Variants in POLN observed in about 807,000 individuals in gnomAD.
The protein encoded by POLN is DNA polymerase nu.
In POLN, 108 loss-of-function variants were observed where a neutral mutation model predicts 113.5. The ratio of observed to expected loss-of-function variants is 0.95; its 90% CI spans 0.81 to 1.12. POLN has a LOEUF of 1.12. POLN is among the 50% of genes most tolerant of loss of function. The pLI is 0.00. For missense variants in POLN, 1,097 were observed against 1,077.1 expected (o/e 1.02, Z -0.26); for synonymous variants, 386 against 391.5 (o/e 0.99, Z 0.17).
intron 18 of POLN, 45 bp from the exon 19 acceptor site, chr4:2,128,272 T>C (rs758566046): frequency 3.1e-6 from 4 of 1,309,412 alleles, no homozygotes; most frequent in Admixed American, 1.8e-5. Flanking sequence ...GCCAGCAATG[T>C]TCCTCGTGTT....
chr4:2,212,692 G>A (rs977132370), intron 4 of POLN, among the ~76,000 whole-genome samples: 2 of 151,944 alleles, frequency 1.3e-5, no homozygotes, highest in Non-Finnish European at 2.9e-5. Flanking sequence ...AGCCTAGGTC[G>A]ATCACCTCCT....
chr4:2,188,417 A>G (rs943194226), intron 7 of POLN, among the ~76,000 whole-genome samples: 6 of 151,996 alleles, frequency 3.9e-5, no homozygotes, highest in South Asian at 4.1e-4. Context: ...TGGCTAACAC[A>G]GTGAAACCCC....
intron 13 of POLN, among the ~76,000 whole-genome samples, chr4:2,161,851 C>T (rs1732601309): frequency 6.6e-6 from 1 of 152,182 alleles, no homozygotes; most frequent in Admixed American, 6.5e-5. Context: ...CTGTGTCTAG[C>T]TCAGGGTTTG....
rs796378551 is a variant in POLN at position 2,093,433 on chromosome 4, A to AT, written c.2065+2417dup. The stretch of plus-strand genomic sequence containing the variant: ...TGCCAGGTATGGCCCCATGCACCCT[A>AT]TGAGAGCATTTTCCCAGGAGGAGAT... On this transcript the variant is annotated intron_variant, in intron 20 of 25. Transcript: ENST00000511885. This position sits in a 1 kb window ranked among gnomAD's most constrained non-coding sequence, Gnocchi z 4.1. Among the ~76,000 whole-genome samples the AT allele has an allele frequency of 1.2e-4, 18 of 152,216 alleles. No homozygotes were observed. The highest frequency in any genetic ancestry group is 4.1e-4 in the African/African-American group (17 of 41,466).
intron 19 of POLN, among the ~76,000 whole-genome samples, chr4:2,114,860 C>T (rs1432433781): frequency 2.0e-5 from 3 of 151,636 alleles, no homozygotes; most frequent in African/African-American, 7.3e-5. Context: ...TTGTGAGATG[C>T]CAAATATACA....
At chr4:2,171,711 AGGTG>A (rs1732866389) in intron 11 of POLN, among the ~76,000 whole-genome samples, 1 of 152,122 alleles carries the variant, frequency 6.6e-6, no homozygotes, top group African/African-American at 2.4e-5. Flanking sequence ...AGGCCGAGGC[AGGTG>A]GGTGTCTTGA....
chr4:2,084,331 C>T (rs1730499814), intron 21 of POLN, among the ~76,000 whole-genome samples: 1 of 152,244 alleles, frequency 6.6e-6, no homozygotes, highest in Non-Finnish European at 1.5e-5. Flanking sequence ...CTGGCCCTGT[C>T]TCTGCGCAGG....
chr4:2,236,588 G>C, intron 2 of POLN: 1 of 656,206 alleles, frequency 1.5e-6, no homozygotes, highest in South Asian at 1.9e-5. Context: ...GCCGGGTACA[G>C]TAGCTCACGC....
intron 11 of POLN, among the ~76,000 whole-genome samples, chr4:2,173,627 T>C (rs1478359325): frequency 5.9e-5 from 9 of 152,188 alleles, no homozygotes; most frequent in Non-Finnish European, 1.2e-4. Flanking sequence ...CATGCATCTT[T>C]ACACATCTCT....
chr4:2,139,792 G>A (rs1167334766), intron 16 of POLN: 5 of 152,170 alleles, frequency 3.3e-5, no homozygotes, highest in Non-Finnish European at 5.9e-5. Flanking sequence ...TGGCAACAAC[G>A]TAAAGGCCTT....
chr4:2,128,375 A>T (rs1277683915), intron 18 of POLN, 148 bp from the exon 19 acceptor site: 1 of 598,206 alleles, frequency 1.7e-6, no homozygotes, highest in Non-Finnish European at 3.0e-6. Context: ...CTCTGACCTC[A>T]GTGTCAGGAG....
At chr4:2,081,326 C>T in intron 22 of POLN, 2 of 792,128 alleles carry the variant, frequency 2.5e-6, no homozygotes, top group Non-Finnish European at 4.0e-6. Context: ...TGCCAAGGAA[C>T]TGAGCTCCAG....
intron 11 of POLN, among the ~76,000 whole-genome samples, chr4:2,172,903 C>T (rs866450371): frequency 6.6e-6 from 1 of 152,182 alleles, no homozygotes; most frequent in East Asian, 1.9e-4. Context: ...AACAACCACA[C>T]GCCTATCGGC....
At chr4:2,092,659 T>C (rs1210007482) in intron 20 of POLN, among the ~76,000 whole-genome samples, 1 of 152,232 alleles carries the variant, frequency 6.6e-6, no homozygotes, top group Non-Finnish European at 1.5e-5. Flanking sequence ...ACAATAGTCA[T>C]GTCACCGATT....
intron 20 of POLN, among the ~76,000 whole-genome samples, chr4:2,095,082 G>T (rs991973914): frequency 4.0e-5 from 6 of 151,284 alleles, no homozygotes; most frequent in Non-Finnish European, 8.8e-5. Context: ...GGCCAGAAAA[G>T]AATTAAAAAA....
intron 19 of POLN, 43 bp from the exon 20 acceptor site, chr4:2,095,976 C>T (rs374124182): frequency 6.4e-7 from 1 of 1,557,174 alleles, no homozygotes; most frequent in Non-Finnish European, 8.9e-7. Context: ...ACAGAAGGCA[C>T]TGTCAGTGCA....
chr4:2,088,638 A>C (rs1730601129), intron 20 of POLN: 2 of 661,538 alleles, frequency 3.0e-6, no homozygotes, highest in Non-Finnish European at 4.4e-6. Flanking sequence ...GAATCCCATA[A>C]TATAAAGTGA....
intron 4 of POLN, among the ~76,000 whole-genome samples, chr4:2,210,582 AAAT>A (rs376506693): frequency 0.35 from 42,785 of 120,774 alleles, 8,108 homozygotes; most frequent in Non-Finnish European, 0.42. Flanking sequence ...GAAAGTCTCA[AAAT>A]AATAATAATA....
At position 2,072,851 on chromosome 4, in the gene POLN, G is replaced by T; in HGVS notation, c.2517+117C>A. The stretch of plus-strand genomic sequence containing the variant: ...AGCCTCCACGGCTGTGCCTGCTGTG[G>T]AGTGGCCATCTCGGGGCTGGGGCTG... On this transcript the variant is annotated intron_variant, in intron 25 of 25. Coordinates refer to ENST00000511885, the MANE Select transcript of POLN (RefSeq NM_181808.4). The T allele has an allele frequency of 2.9e-6, 3 of 1,048,792 alleles. No homozygotes were observed. The South Asian group carries it at 4.0e-5, about 14-fold the overall frequency. The allele number at this position is 1,048,792 out of a possible 1,614,324, so 65.0% of individuals were successfully genotyped here. A position where few individuals can be genotyped will look rare whatever the true frequency, so the allele number is the denominator to read the frequency against.
Sources: allele counts gnomAD v4.1 joint callset (sites outside exome capture counted in the v4.1 genomes callset), GRCh38; gene constraint gnomAD v4.1.1; non-coding constraint Gnocchi (gnomAD v3.1); transcripts MANE v1.5; gene names NCBI Gene and HGNC (gene_info 2026-07-23, HGNC 2026-07-21).